SHANK2: variants seen among roughly 807,000 people sequenced by gnomAD.
SHANK2 encodes SH3 and multiple ankyrin repeat domains protein 2.
Under a neutral mutation model 133.7 loss-of-function variants are expected in SHANK2, and 43 were observed. The ratio of observed to expected loss-of-function variants is 0.32; its 90% CI spans 0.25 to 0.41. The LOEUF (loss-of-function observed/expected upper bound fraction) is 0.41. Among genes scored for constraint, SHANK2 ranks in the 10% least tolerant of loss-of-function variants. The pLI is 1.00. For missense variants in SHANK2, 1,994 were observed against 2,235.8 expected, an observed-to-expected ratio of 0.89 and a Z score of 2.18; for synonymous variants, 1,017 against 952.8, an observed-to-expected ratio of 1.07 and a Z score of -1.24.
chr11:70,498,878 C>G (rs1055942158), intron 21 of SHANK2, among the ~76,000 whole-genome samples: 2 of 152,284 alleles, frequency 1.3e-5, no homozygotes, highest in Non-Finnish European at 1.5e-5. Context: ...GGACACACCA[C>G]TGGATTTAGG....
intron 10 of SHANK2, among the ~76,000 whole-genome samples, chr11:70,953,488 C>G (rs540022436): frequency 6.6e-6 from 1 of 152,072 alleles, no homozygotes; most frequent in Non-Finnish European, 1.5e-5. Flanking sequence ...GACCAAGAGT[C>G]CCCGGCAAGA....
chr11:70,590,191 G>A (rs1240547469), intron 17 of SHANK2, among the ~76,000 whole-genome samples: 2 of 152,050 alleles, frequency 1.3e-5, no homozygotes, highest in Non-Finnish European at 2.9e-5. Context: ...AAAAACAGAA[G>A]TGGAGCTGAA....
At chr11:71,248,685 C>T (rs1948128965) in intron 1 of SHANK2, among the ~76,000 whole-genome samples, 3 of 152,166 alleles carry the variant, frequency 2.0e-5, no homozygotes, top group Admixed American at 6.5e-5. Flanking sequence ...TTGTGACTAG[C>T]GGGTGGCTCT....
At chr11:70,760,483 A>G (rs1946971482) in intron 14 of SHANK2, among the ~76,000 whole-genome samples, 1 of 152,224 alleles carries the variant, frequency 6.6e-6, no homozygotes, top group African/African-American at 2.4e-5. Flanking sequence ...ATCGTAATCT[A>G]AGATCTCATC....
At chr11:71,062,085 A>T (rs1950995124) in intron 9 of SHANK2, among the ~76,000 whole-genome samples, 1 of 146,942 alleles carries the variant, frequency 6.8e-6, no homozygotes. Flanking sequence ...CCTCTCAAGT[A>T]GCTAGGATTA....
chr11:71,146,967 G>T (rs1555106801), intron 3 of SHANK2, among the ~76,000 whole-genome samples, 153 bp downstream of exon 3: 4 of 152,166 alleles, frequency 2.6e-5, no homozygotes, highest in East Asian at 1.9e-4. Context: ...GAGCCTGGGG[G>T]GACGGGGGCA....
intron 8 of SHANK2, among the ~76,000 whole-genome samples, chr11:71,082,654 G>T (rs1951315831): frequency 6.6e-6 from 1 of 152,216 alleles, no homozygotes; most frequent in Admixed American, 6.5e-5. Flanking sequence ...AGGATCAGGG[G>T]CCTGTCCCCT....
At chr11:71,121,950 C>T (rs1555101552) in intron 3 of SHANK2, among the ~76,000 whole-genome samples, 3 of 152,144 alleles carry the variant, frequency 2.0e-5, no homozygotes, top group African/African-American at 7.2e-5. Flanking sequence ...AATGAGATAC[C>T]ATCTCACACC....
chr11:70,944,433 G>A (rs1025415149), intron 10 of SHANK2, among the ~76,000 whole-genome samples: 6 of 152,206 alleles, frequency 3.9e-5, no homozygotes, highest in Non-Finnish European at 1.5e-5. Context: ...GCAGCTTCCT[G>A]AGAAAGCAGC....
At chr11:70,881,728 T>G (rs1555072457) in intron 11 of SHANK2, among the ~76,000 whole-genome samples, 2 of 2,182 alleles carry the variant, frequency 9.2e-4, no homozygotes, top group Non-Finnish European at 5.1e-3. Flanking sequence ...TCCTTTGGCT[T>G]TAATTTTATT....
chr11:71,226,697 A>T (rs1555122287), intron 1 of SHANK2: 1 of 152,208 alleles, frequency 6.6e-6, no homozygotes, highest in African/African-American at 2.4e-5. Flanking sequence ...AAATTAAGAT[A>T]GTCTCAGATG....
At chr11:70,724,349 T>C (rs1946133685) in intron 14 of SHANK2, among the ~76,000 whole-genome samples, 1 of 152,216 alleles carries the variant, frequency 6.6e-6, no homozygotes, top group Admixed American at 6.5e-5. Context: ...AGTTCATTCT[T>C]ACACTTTGCT....
At chr11:71,116,463 A>G (rs781822260) in intron 4 of SHANK2, among the ~76,000 whole-genome samples, 1 of 152,210 alleles carries the variant, frequency 6.6e-6, no homozygotes, top group Non-Finnish European at 1.5e-5. Context: ...ATCACGTGGA[A>G]ATGTGTAGGG....
intron 17 of SHANK2, among the ~76,000 whole-genome samples, chr11:70,593,877 C>T (rs1280827432): frequency 6.6e-6 from 1 of 152,122 alleles, no homozygotes; most frequent in African/African-American, 2.4e-5. Context: ...TTGCTACAGT[C>T]CAGATGCTGT....
chr11:70,571,947 G>C (rs782765950), intron 17 of SHANK2, among the ~76,000 whole-genome samples: 4 of 152,180 alleles, frequency 2.6e-5, no homozygotes, highest in Non-Finnish European at 4.4e-5. Context: ...CATGGTGTTG[G>C]GGGTGAGGCC....
intron 11 of SHANK2, among the ~76,000 whole-genome samples, chr11:70,840,338 T>C (rs1555061281): frequency 6.6e-6 from 1 of 152,212 alleles, no homozygotes; most frequent in Admixed American, 6.5e-5. Context: ...CAGACCCACC[T>C]GCGTGTTCTG....
At chr11:70,582,713 G>A (rs2060199701) in intron 17 of SHANK2, among the ~76,000 whole-genome samples, 1 of 152,226 alleles carries the variant, frequency 6.6e-6, no homozygotes, top group African/African-American at 2.4e-5. Flanking sequence ...AGAGATGACA[G>A]CCGAAAACAC....
At chr11:70,585,264 C>A (rs533523819) in intron 17 of SHANK2, among the ~76,000 whole-genome samples, 1 of 152,352 alleles carries the variant, frequency 6.6e-6, no homozygotes, top group South Asian at 2.1e-4. Flanking sequence ...AAGGGCACTG[C>A]CAATGGGGCA....
intron 9 of SHANK2, among the ~76,000 whole-genome samples, chr11:71,071,577 T>C (rs942005931): frequency 6.6e-6 from 1 of 152,090 alleles, no homozygotes; most frequent in African/African-American, 2.4e-5. Flanking sequence ...CAGAGAAAAA[T>C]GTACAACTAT....
Sources: gnomAD v4.1 joint callset for allele counts (sites outside exome capture counted in the v4.1 genomes callset) on GRCh38, gnomAD v4.1.1 for gene constraint, MANE v1.5 for transcripts, NCBI Gene and HGNC (gene_info 2026-07-23, HGNC 2026-07-21) for gene names.